Variants in PTPRT observed in about 807,000 individuals in gnomAD.
PTPRT encodes protein tyrosine phosphatase receptor type T, also known as receptor-type tyrosine-protein phosphatase T.
A neutral mutation model predicts 176.8 loss-of-function variants in PTPRT; 56 were observed. The observed-to-expected ratio is 0.32, with a 90% CI of 0.26 to 0.40. The LOEUF (loss-of-function observed/expected upper bound fraction) is 0.40. PTPRT is among the 10% of genes least tolerant of loss of function. The probability of loss-of-function intolerance (pLI) is 1.00; values close to 1 mark genes in which losing one functional copy is unlikely to be tolerated. For synonymous variants in PTPRT, 783 were observed against 739.0 expected, an observed-to-expected ratio of 1.06 and a Z score of -0.96; for missense variants, 1,540 against 1,908.2, an observed-to-expected ratio of 0.81 and a Z score of 3.60.
At chr20:42,278,702 AGAG>A (rs2057089553) in intron 13 of PTPRT, among the ~76,000 whole-genome samples, 1 of 152,200 alleles carries the variant, frequency 6.6e-6, no homozygotes, top group Admixed American at 6.5e-5. Flanking sequence ...TGTCTCAGCC[AGAG>A]GACATGAATT....
rs206647 is a variant in PTPRT, at chr20:42,939,484, A to G, written c.89-53552T>C. Among the ~76,000 whole-genome samples, 267 of 152,234 alleles carry G rather than the reference A, an allele frequency of 1.8e-3. 1 individual carries two copies. Among genetic ancestry groups the G allele is most frequent in the African/African-American group, 5.8e-3 (240 of 41,534 alleles). On this transcript the variant is annotated intron_variant, in intron 1 of 30. Transcript: ENST00000373187. Reference sequence around the variant, plus strand: ...CCTTTCCTTCTTGAGGGCAAGGCCTATCTTGTTACTCTCTGTACCCACTGT... The same window carrying G: ...CCTTTCCTTCTTGAGGGCAAGGCCTGTCTTGTTACTCTCTGTACCCACTGT...
intron 1 of PTPRT, among the ~76,000 whole-genome samples, chr20:43,091,516 C>G (rs923566593): frequency 6.8e-6 from 1 of 147,810 alleles, no homozygotes; most frequent in Non-Finnish European, 1.5e-5. Flanking sequence ...TCTCCCCCCT[C>G]TCTTTCTCTC....
chr20:43,132,065 T>C (rs958475408), intron 1 of PTPRT, among the ~76,000 whole-genome samples: 1 of 152,020 alleles, frequency 6.6e-6, no homozygotes, highest in Admixed American at 6.6e-5. Context: ...GCACAGTACT[T>C]AAGGGAAAAA....
At chr20:42,321,915 C>CA (rs1215900080) in intron 11 of PTPRT, among the ~76,000 whole-genome samples, 24 of 152,034 alleles carry the variant, frequency 1.6e-4, no homozygotes, top group South Asian at 8.3e-4. Context: ...ACTAAAAATA[C>CA]AAAAAAAATT....
intron 7 of PTPRT, among the ~76,000 whole-genome samples, chr20:42,554,164 C>A (rs990346776): frequency 6.6e-6 from 1 of 152,106 alleles, no homozygotes; most frequent in Admixed American, 6.6e-5. Context: ...GTTTCTTCAA[C>A]TGAGCAATTC....
chr20:42,828,348 G>T (rs2078031494), intron 2 of PTPRT, among the ~76,000 whole-genome samples: 3 of 152,112 alleles, frequency 2.0e-5, no homozygotes, highest in Non-Finnish European at 4.4e-5. Context: ...TTTCTAAGTG[G>T]CAAAGCATTC....
intron 13 of PTPRT, 39 bp from the exon 14 acceptor site, chr20:42,248,861 C>T: frequency 6.2e-7 from 1 of 1,606,104 alleles, no homozygotes; most frequent in South Asian, 1.1e-5. Context: ...GTTGAAAGCA[C>T]CCAAACATGC....
Position 42,954,365 on chromosome 20 carries a change from T to C in PTPRT, c.89-68433A>G, listed in dbSNP as rs576786688. On this transcript the variant is annotated intron_variant, in intron 1 of 30. Transcript: ENST00000373187. ...GAGCAGGACTGGAGGGAGGAATTGATGGAAGACTTGGGTGAGTGCTCTGGG... is the reference window on the plus strand; with the variant it reads ...GAGCAGGACTGGAGGGAGGAATTGACGGAAGACTTGGGTGAGTGCTCTGGG... Among the ~76,000 whole-genome samples, 11 of 152,276 alleles carry C rather than the reference T, an allele frequency of 7.2e-5. No homozygotes were observed. In the Middle Eastern group the frequency reaches 0.017, roughly 235 times the overall value.
chr20:42,507,607 G>GA (rs763891769), intron 7 of PTPRT, among the ~76,000 whole-genome samples: 71 of 152,196 alleles, frequency 4.7e-4, no homozygotes, highest in Non-Finnish European at 7.8e-4. Flanking sequence ...CTTAATACAT[G>GA]AAATGTACAG....
chr20:42,247,833 G>A (rs1044617855), intron 14 of PTPRT, among the ~76,000 whole-genome samples: 1 of 152,144 alleles, frequency 6.6e-6, no homozygotes, highest in Admixed American at 6.5e-5. Flanking sequence ...GGAGAGGGGC[G>A]AGTAAGACTC....
At chr20:42,440,025 GC>G (rs1347855439) in intron 9 of PTPRT, among the ~76,000 whole-genome samples, 2 of 152,086 alleles carry the variant, frequency 1.3e-5, no homozygotes, top group Non-Finnish European at 2.9e-5. Context: ...TCCTGCCTCA[GC>G]CTCCCAAGTA....
chr20:42,720,478 G>A (rs892254668), intron 6 of PTPRT, among the ~76,000 whole-genome samples: 21 of 152,122 alleles, frequency 1.4e-4, no homozygotes, highest in Non-Finnish European at 2.2e-4. Flanking sequence ...AGAAACTGAC[G>A]TATAAGTTAG....
rs974726426 is a variant in PTPRT, at chr20:43,159,239, C to T, written c.88+30407G>A. ...TGAGGGAGCTGAGGTATTTATACAC[C>T]AACTCCCACCAACCATGCCATGAGA... On this transcript the variant is annotated intron_variant, in intron 1 of 30. Coordinates refer to ENST00000373187, the MANE Select transcript of PTPRT (RefSeq NM_007050.6). 7.2e-5 allele frequency among the ~76,000 whole-genome samples: 11 copies of T among 152,280 alleles called. No individual in the cohort carries two copies. The East Asian group carries it at 1.9e-3, about 27-fold the overall frequency.
intron 1 of PTPRT, among the ~76,000 whole-genome samples, chr20:42,981,760 A>G (rs1391672995): frequency 3.9e-5 from 6 of 152,242 alleles, no homozygotes; most frequent in Non-Finnish European, 8.8e-5. Context: ...CGGCTATTGT[A>G]TAAGCCACTA....
chr20:43,065,428 G>A (rs767067093), intron 1 of PTPRT, among the ~76,000 whole-genome samples: 19 of 152,144 alleles, frequency 1.2e-4, no homozygotes, highest in Admixed American at 2.0e-4. Flanking sequence ...CATACCTAAT[G>A]ACAAAAGGGC....
In PTPRT at chr20:42,334,637, G is replaced by A. The variant is rs561311011; in HGVS notation, c.1865+15991C>T. 2.5e-3 allele frequency among the ~76,000 whole-genome samples: 386 copies of A among 152,286 alleles called. 2 individuals carry two copies. The highest frequency in any genetic ancestry group is 4.6e-3 in the Non-Finnish European group (311 of 68,016). Reference sequence around the variant, plus strand: ...TTTTTAATTGATTCATCAAATTGGGGAAAATAATCTGGCAATGGTTTTCAA... The same window carrying A: ...TTTTTAATTGATTCATCAAATTGGGAAAAATAATCTGGCAATGGTTTTCAA... On this transcript the variant is annotated intron_variant, in intron 11 of 30. Coordinates refer to ENST00000373187, the MANE Select transcript of PTPRT (RefSeq NM_007050.6).
intron 7 of PTPRT, among the ~76,000 whole-genome samples, chr20:42,638,925 CACATATTTA>C (rs1268732528): frequency 6.6e-6 from 1 of 151,884 alleles, no homozygotes; most frequent in East Asian, 1.9e-4. Flanking sequence ...ATTTAAATAC[CACATATTTA>C]AACAAACACT....
chr20:42,205,941 T>G (rs1051445609), intron 15 of PTPRT, among the ~76,000 whole-genome samples: 14 of 152,266 alleles, frequency 9.2e-5, no homozygotes, highest in Admixed American at 1.3e-4. Flanking sequence ...ATCGCAACTG[T>G]AAGGGAACTA....
chr20:42,495,333 C>T (rs1027753754), intron 7 of PTPRT, among the ~76,000 whole-genome samples: 1 of 152,190 alleles, frequency 6.6e-6, no homozygotes, highest in African/African-American at 2.4e-5. Flanking sequence ...ACCCTCTCTT[C>T]TCTAGGCCAG....
Sources: gnomAD v4.1 joint callset for allele counts (sites outside exome capture counted in the v4.1 genomes callset) on GRCh38, gnomAD v4.1.1 for gene constraint, MANE v1.5 for transcripts, NCBI Gene and HGNC (gene_info 2026-07-23, HGNC 2026-07-21) for gene names.